TBCD: variants seen among roughly 807,000 people sequenced by gnomAD.
The protein encoded by TBCD is tubulin-specific chaperone D.
Under a neutral mutation model 169.3 loss-of-function variants are expected in TBCD, and 105 were observed. The observed-to-expected ratio is 0.62, with a 90% CI of 0.53 to 0.73. The LOEUF is 0.73. Ranked by LOEUF, TBCD falls within the 30% of genes least tolerant of loss-of-function variation. TBCD has a pLI of 0.00. For missense variants in TBCD, 1,444 were observed against 1,600.1 expected (o/e 0.90, Z 1.66); for synonymous variants, 700 against 643.9 (o/e 1.09, Z -1.32).
chr17:82,883,322 A>T (rs4986126), intron 14 of TBCD, among the ~76,000 whole-genome samples: 13 of 152,294 alleles, frequency 8.5e-5, no homozygotes, highest in African/African-American at 3.1e-4. Context: ...TAGGAGGCGC[A>T]ATCTCTCAAG....
At chr17:82,837,206 C>G (rs999333789) in intron 13 of TBCD, among the ~76,000 whole-genome samples, 1 of 152,172 alleles carries the variant, frequency 6.6e-6, no homozygotes, top group Non-Finnish European at 1.5e-5. Context: ...AGTTCTGTGT[C>G]CTGCTTAAGT....
At chr17:82,849,797 C>T (rs376713623) in intron 13 of TBCD, among the ~76,000 whole-genome samples, 152 of 152,396 alleles carry the variant, frequency 1.0e-3, no homozygotes, top group Middle Eastern at 6.8e-3. Context: ...AACCCCCTTC[C>T]CTGGTAGTCC....
In TBCD at chr17:82,884,159, C is replaced by T. The variant is rs1411985342; in HGVS notation, c.1490C>T (p.Ala497Val). Residue 497 changes from alanine to valine, a missense_variant, in exon 15 of 39, where the codon GCT (alanine) becomes GTT (valine). Ala to Val is a moderately conservative substitution (Grantham distance 64). Coordinates refer to ENST00000355528, the MANE Select transcript of TBCD (RefSeq NM_005993.5). The surrounding 1 kb of genome is among the most constrained non-coding windows in gnomAD (Gnocchi z 4.2). Reference sequence around the variant, plus strand: ...CTTTTTCACAGTGCACTGGTGATTGCTGCGGTGTTTGACCGAGACATAAAC... The same window carrying T: ...CTTTTTCACAGTGCACTGGTGATTGTTGCGGTGTTTGACCGAGACATAAAC... ...VTAISSALVI[A>V]AVFDRDINCR... is the part of the protein sequence containing the mutation. 1.2e-5 allele frequency: 19 copies of T among 1,610,516 alleles called. No homozygotes were observed. The highest frequency in any genetic ancestry group is 1.6e-5 in the Non-Finnish European group (19 of 1,178,164).
intron 2 of TBCD, among the ~76,000 whole-genome samples, chr17:82,763,280 A>G (rs1432693376): frequency 1.3e-5 from 2 of 152,232 alleles, no homozygotes; most frequent in Admixed American, 6.6e-5. Context: ...TTATCATGAA[A>G]CATTCTGTTT....
At chr17:82,862,165 G>A (rs1222619058) in intron 13 of TBCD, among the ~76,000 whole-genome samples, 4 of 152,060 alleles carry the variant, frequency 2.6e-5, no homozygotes, top group Non-Finnish European at 4.4e-5. Flanking sequence ...CTCATGATCT[G>A]CCCGCCTCAG....
At chr17:82,898,684 G>T (rs561305850) in intron 17 of TBCD, among the ~76,000 whole-genome samples, 3 of 152,106 alleles carry the variant, frequency 2.0e-5, no homozygotes, top group Admixed American at 6.5e-5. Context: ...TGTTTTCCTG[G>T]TAGACTTTGT....
At chr17:82,794,097 C>T (rs1326320024) in intron 7 of TBCD, among the ~76,000 whole-genome samples, 2 of 152,178 alleles carry the variant, frequency 1.3e-5, no homozygotes, top group Admixed American at 6.5e-5. Context: ...GGTGTGGGGG[C>T]CCTTCTCCCA....
chr17:82,935,063 C>CAA (rs200004007), intron 34 of TBCD, among the ~76,000 whole-genome samples: 5 of 142,918 alleles, frequency 3.5e-5, no homozygotes, highest in African/African-American at 1.0e-4. Flanking sequence ...GACTCTGTTT[C>CAA]AAAAAAAAAA....
Position 82,928,576 on chromosome 17 carries a change from C to T in TBCD, c.2694-537C>T, listed in dbSNP as rs367726307. On this transcript the variant is annotated intron_variant, in intron 30 of 38. Transcript: ENST00000355528. ...TCAGGGGGTCCAGGCCCTGCCCTTG[C>T]GGGTCTCTGTCGGGGGCACTGAGTC... 2.1e-4 allele frequency among the ~76,000 whole-genome samples: 32 copies of T among 149,170 alleles called. No individual in the cohort carries two copies. In the South Asian group the frequency reaches 5.4e-3, roughly 25 times the overall value.
chr17:82,929,200 G>A lies in TBCD; in HGVS notation c.2781G>A (p.Thr927=). 3.1e-6 allele frequency: 5 copies of A among 1,613,846 alleles called. No individual in the cohort carries two copies. Among genetic ancestry groups the A allele is most frequent in the Non-Finnish European group, 3.4e-6 (4 of 1,179,870 alleles). Reference sequence around the variant, plus strand: ...CTCACGCCGCCAGCGTGTTCCTGACGCTCCTGCACTTTGACAGCCCTCCCA... The same window carrying A: ...CTCACGCCGCCAGCGTGTTCCTGACACTCCTGCACTTTGACAGCCCTCCCA... ...FRAHAASVFL[T]LLHFDSPPIP... is the part of the protein sequence containing the mutation. Residue 927 remains threonine, a synonymous_variant, in exon 31 of 39, where the codon ACG becomes ACA. Coordinates refer to ENST00000355528, the MANE Select transcript of TBCD (RefSeq NM_005993.5).
chr17:82,937,251 AGT>A lies in TBCD; in HGVS notation c.3192-13_3192-12del. 1 of 1,612,320 alleles carries A rather than the reference AGT, an allele frequency of 6.2e-7. No individual in the cohort carries two copies. Among genetic ancestry groups the A allele is most frequent in the Non-Finnish European group, 8.5e-7 (1 of 1,178,354 alleles). The stretch of plus-strand genomic sequence containing the variant: ...GCTGCCTGTGAAAGCTCATCTCTAA[AGT>A]GTGTGTTGTTCTTCCAGCCACCCCT... On this transcript the variant is annotated intron_variant, in intron 34 of 38. Transcript: ENST00000355528.
Position 82,832,607 on chromosome 17 carries a change from C to T in TBCD, c.1318+17673C>T, listed in dbSNP as rs904473103. The T allele has an allele frequency of 4.7e-5, 33 of 707,204 alleles. No individual in the cohort carries two copies. Among genetic ancestry groups the T allele is most frequent in the African/African-American group, 5.3e-5 (3 of 56,338 alleles). 43.8% of individuals were successfully genotyped at this position (707,204 alleles called of 1,614,324 possible). ...CCAGCTCTGCGTGCTGAGGGTCTGG[C>T]GAGAGCCTCCGTCATCTGGCGGCTG... On this transcript the variant is annotated intron_variant, in intron 13 of 38. Coordinates refer to ENST00000355528, the MANE Select transcript of TBCD (RefSeq NM_005993.5). The surrounding 1 kb of genome is among the most constrained non-coding windows in gnomAD (Gnocchi z 4.9).
rs2057463487 is a variant in TBCD at position 82,870,268 on chromosome 17, G to A, written c.1363G>A (p.Gly455Ser). 2 of 1,613,392 alleles carry A rather than the reference G, an allele frequency of 1.2e-6. No homozygotes were observed. The highest frequency in any genetic ancestry group is 1.3e-5 in the African/African-American group (1 of 74,940). Reference protein sequence around the residue: ...LKALTYDEKRGACSVGTNVRD... With the variant: ...LKALTYDEKRSACSVGTNVRD... ...GGCGCTGACCTACGACGAGAAGCGG[G>A]GTGCCTGCAGCGTGGGCACCAACGT... The change falls in exon 14 of 39, where the codon GGT becomes AGT. Residue 455 changes from glycine (G) to serine (S), a missense_variant. Gly to Ser is a moderately conservative substitution (Grantham distance 56). Coordinates refer to ENST00000355528, the MANE Select transcript of TBCD (RefSeq NM_005993.5).
chr17:82,759,021 TG>T (rs1410073108), intron 2 of TBCD, among the ~76,000 whole-genome samples: 2 of 152,000 alleles, frequency 1.3e-5, no homozygotes, highest in Non-Finnish European at 2.9e-5. Flanking sequence ...TTTTCGTGTT[TG>T]TTTTTTTAAA....
Position 82,880,747 on chromosome 17 carries a change from A to T in TBCD, c.1476-3398A>T, listed in dbSNP as rs1323444810. On this transcript the variant is annotated intron_variant, in intron 14 of 38. Coordinates refer to ENST00000355528, the MANE Select transcript of TBCD (RefSeq NM_005993.5). The surrounding 1 kb of genome is among the most constrained non-coding windows in gnomAD (Gnocchi z 5.0). ...GTCTGTCCGTCCGTCTGTCCACAGG[A>T]GCAGGAGGGGCTGGGCGGGGAGGAC... is the stretch of plus-strand genomic sequence containing the variant. Among the ~76,000 whole-genome samples the T allele has an allele frequency of 1.3e-5, 2 of 151,918 alleles. No individual in the cohort carries two copies. Among genetic ancestry groups the T allele is most frequent in the Non-Finnish European group, 2.9e-5 (2 of 67,886 alleles).
At chr17:82,881,274 AT>A (rs1403564690) in intron 14 of TBCD, among the ~76,000 whole-genome samples, 1 of 152,206 alleles carries the variant, frequency 6.6e-6, no homozygotes, top group Non-Finnish European at 1.5e-5. Context: ...ATAAGCAAAC[AT>A]TTCTCTAAAA....
rs935870980 is a variant in TBCD at position 82,805,859 on chromosome 17, G to A, written c.951-16G>A. The A allele has an allele frequency of 2.5e-6, 4 of 1,593,690 alleles. No homozygotes were observed. The highest frequency in any genetic ancestry group is 3.4e-5 in the Admixed American group (2 of 59,572). The stretch of plus-strand genomic sequence containing the variant: ...TGAGCTACAAAGCTGATCTGAGGAT[G>A]CTTTGCTTTGCACAGGTACCAGCGT... On this transcript the variant is annotated splice_polypyrimidine_tract_variant and intron_variant, in intron 9 of 38. Coordinates refer to ENST00000355528, the MANE Select transcript of TBCD (RefSeq NM_005993.5).
intron 13 of TBCD, among the ~76,000 whole-genome samples, chr17:82,844,260 G>T (rs1321259783): frequency 1.0e-5 from 1 of 97,078 alleles, no homozygotes; most frequent in Non-Finnish European, 2.0e-5. Flanking sequence ...GTCTTGCTGT[G>T]TTACCCAGGC....
intron 13 of TBCD, among the ~76,000 whole-genome samples, chr17:82,869,526 A>G (rs1287715161): frequency 1.3e-5 from 2 of 152,228 alleles, no homozygotes; most frequent in Admixed American, 1.3e-4. Context: ...TCTCAAAAAA[A>G]TAAGAAATAA....
Sources: gnomAD v4.1 joint callset for allele counts (sites outside exome capture counted in the v4.1 genomes callset) on GRCh38, gnomAD v4.1.1 for gene constraint, Gnocchi (gnomAD v3.1) non-coding constraint, MANE v1.5 for transcripts, NCBI Gene and HGNC (gene_info 2026-07-23, HGNC 2026-07-21) for gene names.